Variants in CDKL2 observed in about 807,000 individuals in gnomAD.
The protein encoded by CDKL2 is cyclin-dependent kinase-like 2.
A neutral mutation model predicts 63.9 loss-of-function variants in CDKL2; 64 were observed. The ratio of observed to expected loss-of-function variants is 1.00; its 90% confidence interval spans 0.82 to 1.23. CDKL2 has a LOEUF of 1.23. Ranked by LOEUF, CDKL2 falls within the 50% of genes most tolerant of loss-of-function variation. The pLI, the probability that CDKL2 is intolerant of heterozygous loss-of-function variation, is 0.00. For synonymous variants in CDKL2, 211 were observed against 229.2 expected (o/e 0.92, Z 0.72); for missense variants, 656 against 668.0 (o/e 0.98, Z 0.20).
chr4:75,595,051 G>T (rs553814641), intron 10 of CDKL2, among the ~76,000 whole-genome samples: 22 of 152,080 alleles, frequency 1.4e-4, no homozygotes, highest in African/African-American at 5.3e-4. Context: ...CCTGTGCTCT[G>T]TCTAAATACA....
chr4:75,606,092 C>G (rs1729415461), intron 4 of CDKL2, among the ~76,000 whole-genome samples: 1 of 152,158 alleles, frequency 6.6e-6, no homozygotes, highest in Admixed American at 6.6e-5. Context: ...TTACGCATAA[C>G]TCTAGCAAGC....
Position 75,626,012 on chromosome 4 carries a change from T to A in CDKL2, c.-24A>T. ...ATTTTAATTTAAAGTCCGTAGAAAC[T>A]TTTTGCTGTGAAAACCAAAACATAG... On this transcript the variant is annotated 5_prime_UTR_variant, in exon 2 of 14. The change creates a new upstream start codon in the 5' untranslated region. Coordinates refer to ENST00000307465, the MANE Select transcript of CDKL2 (RefSeq NM_001330724.2). The A allele has an allele frequency of 6.3e-7, 1 of 1,597,162 alleles. No homozygotes were observed. Among genetic ancestry groups the A allele is most frequent in the Non-Finnish European group, 8.5e-7 (1 of 1,175,516 alleles).
At chr4:75,612,268 AG>A (rs1729736367) in intron 3 of CDKL2, among the ~76,000 whole-genome samples, 1 of 152,132 alleles carries the variant, frequency 6.6e-6, no homozygotes, top group African/African-American at 2.4e-5. Flanking sequence ...CCACCACACC[AG>A]GCCTAAAATC....
Position 75,603,901 on chromosome 4 carries a change from T to TA in CDKL2, c.710_711insT (p.Val238SerfsTer5). On this transcript the variant is annotated frameshift_variant, in exon 6 of 14. Transcript: ENST00000307465. LOFTEE classifies it high-confidence loss of function. ...TTTCCTTGATTTCAGGCAACCTTAC[T>TA]CCAGCAAACACAGGATTTTTATTAA... 1 of 1,613,726 alleles carries TA rather than the reference T, an allele frequency of 6.2e-7. No individual in the cohort carries two copies. The highest frequency in any genetic ancestry group is 8.5e-7 in the Non-Finnish European group (1 of 1,179,852).
At chr4:75,591,050 A>G (rs912047871) in intron 12 of CDKL2, among the ~76,000 whole-genome samples, 1 of 152,200 alleles carries the variant, frequency 6.6e-6, no homozygotes, top group African/African-American at 2.4e-5. Flanking sequence ...GCAATGATAG[A>G]AAAAAATGAC....
chr4:75,605,443 T>TA (rs1352729121), intron 5 of CDKL2, 79 bp downstream of exon 5: 3 of 836,910 alleles, frequency 3.6e-6, no homozygotes, highest in East Asian at 2.6e-5. Flanking sequence ...TGCAACAGCT[T>TA]AAAAAATCAC....
At chr4:75,618,143 T>C (rs1730007763) in intron 2 of CDKL2, among the ~76,000 whole-genome samples, 1 of 147,544 alleles carries the variant, frequency 6.8e-6, no homozygotes, top group Admixed American at 6.8e-5. Flanking sequence ...GCTCCACAGG[T>C]TCTCTGTCTT....
At position 75,600,340 on chromosome 4, in the gene CDKL2, TC is replaced by T. The variant is rs773438679; in HGVS notation, c.824del (p.Arg275AsnfsTer28). Reference protein sequence around the residue: ...KKCLHIDPDKRPFCAELLHHD... With the variant: ...KKCLHIDPDKXPFCAELLHHD... ...GGTGTAGGAGCTCAGCACAGAAGGG[TC>T]TTTTGTCGGGGTCAATATGTAAGCA... On this transcript the variant is annotated frameshift_variant, in exon 7 of 14. Coordinates refer to ENST00000307465, the MANE Select transcript of CDKL2 (RefSeq NM_001330724.2). LOFTEE classifies it high-confidence loss of function. 1 of 1,613,370 alleles carries T rather than the reference TC, an allele frequency of 6.2e-7. No individual in the cohort carries two copies. The highest frequency in any genetic ancestry group is 8.5e-7 in the Non-Finnish European group (1 of 1,179,452).
chr4:75,604,065 T>C, intron 5 of CDKL2, 109 bp from the exon 6 acceptor site: 1 of 1,057,002 alleles, frequency 9.5e-7, no homozygotes, highest in Non-Finnish European at 1.4e-6. Context: ...TTATGGAGTT[T>C]GGGGCTCTCT....
rs146132556 is a variant in CDKL2 at position 75,608,717 on chromosome 4, C to T, written c.364-1356G>A. ...CAATAAATCAAAAATCAATAGGCCG[C>T]ACGCAGTGGCTCAAGCCTGTAATCC... On this transcript the variant is annotated intron_variant, in intron 3 of 13. Coordinates refer to ENST00000307465, the MANE Select transcript of CDKL2 (RefSeq NM_001330724.2). Among the ~76,000 whole-genome samples, 226 of 152,078 alleles carry T rather than the reference C, an allele frequency of 1.5e-3. 2 individuals carry two copies. The East Asian group carries it at 0.034, about 23-fold the overall frequency.
chr4:75,593,964 T>C (rs1728810214), intron 10 of CDKL2, among the ~76,000 whole-genome samples: 1 of 152,172 alleles, frequency 6.6e-6, no homozygotes, highest in Admixed American at 6.5e-5. Context: ...GTATGGAGTC[T>C]TTCCTTAATG....
At position 75,600,296 on chromosome 4, in the gene CDKL2, T is replaced by G; in HGVS notation, c.869A>C (p.Asp290Ala). The change falls in exon 7 of 14, where the codon GAT becomes GCT. Residue 290 changes from aspartate (D) to alanine (A), a missense_variant. Transcript: ENST00000307465. ...AGTACTATACCTCTCAGCAAATCCA[T>G]CCATTTGAAAGAAATCATGGTGTAG... is the stretch of plus-strand genomic sequence containing the variant. Reference protein sequence around the residue: ...ELLHHDFFQMDGFAERFSQEL... With the variant: ...ELLHHDFFQMAGFAERFSQEL... 7 of 1,612,590 alleles carry G rather than the reference T, an allele frequency of 4.3e-6. No homozygotes were observed. The highest frequency in any genetic ancestry group is 4.2e-6 in the Non-Finnish European group (5 of 1,178,764).
chr4:75,614,581 T>C (rs1305772506), intron 2 of CDKL2, 132 bp from the exon 3 acceptor site: 2 of 572,264 alleles, frequency 3.5e-6, no homozygotes, highest in Non-Finnish European at 6.0e-6. Context: ...ATAAAATGCA[T>C]ACATAGTGTA....
intron 6 of CDKL2, among the ~76,000 whole-genome samples, chr4:75,601,360 T>C (rs1560581698): frequency 6.6e-6 from 1 of 152,140 alleles, no homozygotes; most frequent in African/African-American, 2.4e-5. Flanking sequence ...CAAAGTCTTG[T>C]TCTGATTCAT....
intron 2 of CDKL2, among the ~76,000 whole-genome samples, chr4:75,616,457 G>C (rs1729929158): frequency 1.3e-5 from 2 of 152,116 alleles, no homozygotes; most frequent in Admixed American, 1.3e-4. Flanking sequence ...GAGGTCAGGA[G>C]TTCAAGACCA....
rs1177177312 is a variant in CDKL2, at chr4:75,577,426, A to G, written c.*1776T>C. Among the ~76,000 whole-genome samples, 3 of 152,200 alleles carry G rather than the reference A, an allele frequency of 2.0e-5. No individual in the cohort carries two copies. Among genetic ancestry groups the G allele is most frequent in the African/African-American group, 7.2e-5 (3 of 41,468 alleles). Reference sequence around the variant, plus strand: ...CTTGGACTTATGGTAAATATTTTTTAGTTCCTTAATTCTAAAGTTCACAAA... The same window carrying G: ...CTTGGACTTATGGTAAATATTTTTTGGTTCCTTAATTCTAAAGTTCACAAA... On this transcript the variant is annotated 3_prime_UTR_variant, in exon 14 of 14. Transcript: ENST00000307465.
intron 1 of CDKL2, among the ~76,000 whole-genome samples, 179 bp from the exon 2 acceptor site, chr4:75,626,196 C>T (rs1730399909): frequency 6.6e-6 from 1 of 152,098 alleles, no homozygotes; most frequent in Non-Finnish European, 1.5e-5. Flanking sequence ...AATGGTCACA[C>T]ACATTAAGCT....
At chr4:75,622,792 T>A (rs1051927575) in intron 2 of CDKL2, among the ~76,000 whole-genome samples, 3 of 142,794 alleles carry the variant, frequency 2.1e-5, no homozygotes, top group African/African-American at 7.8e-5. Context: ...GTTCATGAAC[T>A]GGATGCAATA....
chr4:75,596,042 A>T lies in CDKL2; in HGVS notation c.1416+205T>A, dbSNP rs555669317. ...GAAGGAAGGAAGGAAGAAAGGAAGG[A>T]AGGAGTTTTTAGACTCATAAAACTT... is the stretch of plus-strand genomic sequence containing the variant. On this transcript the variant is annotated intron_variant, in intron 10 of 13. Transcript: ENST00000307465. 7.3e-5 allele frequency: 25 copies of T among 342,454 alleles called. 1 individual carries two copies. Among genetic ancestry groups the T allele is most frequent in the African/African-American group, 5.9e-4 (25 of 42,266 alleles). The allele number at this position is 342,454 out of a possible 1,614,324, so 21.2% of individuals were successfully genotyped here.
Sources: gnomAD v4.1 joint callset for allele counts (sites outside exome capture counted in the v4.1 genomes callset) on GRCh38, gnomAD v4.1.1 for gene constraint, MANE v1.5 for transcripts, NCBI Gene and HGNC (gene_info 2026-07-23, HGNC 2026-07-21) for gene names.